TET3: variants seen among roughly 807,000 people sequenced by gnomAD.
TET3 encodes methylcytosine dioxygenase TET3.
In TET3, 19 loss-of-function variants were observed where a neutral mutation model predicts 141.4. The observed-to-expected ratio is 0.13, with a 90% CI of 0.09 to 0.20. The LOEUF (loss-of-function observed/expected upper bound fraction) is 0.20, where lower values mean the gene tolerates loss of function less well. Ranked by LOEUF, TET3 falls within the 10% of genes least tolerant of loss-of-function variation. The probability of loss-of-function intolerance (pLI) is 1.00; values close to 1 mark genes in which losing one functional copy is unlikely to be tolerated. For synonymous variants in TET3, 1,043 were observed against 980.9 expected, an observed-to-expected ratio of 1.06 and a Z score of -1.18; for missense variants, 1,874 against 2,356.9, an observed-to-expected ratio of 0.80 and a Z score of 4.24.
chr2:74,008,791 C>T (rs1685276225), intron 3 of TET3, among the ~76,000 whole-genome samples: 1 of 152,030 alleles, frequency 6.6e-6, no homozygotes, highest in African/African-American at 2.4e-5. Context: ...CAGTATCTTG[C>T]CACAGAAATA....
At chr2:74,108,501 T>TTAAC (rs1691626275), downstream of TET3, among the ~76,000 whole-genome samples, 2 of 152,240 alleles carry the variant, frequency 1.3e-5, no homozygotes, top group South Asian at 2.1e-4. Context: ...CCTACTAAAA[T>TTAAC]TAACTTCTGA....
At chr2:74,130,202 G>T in the TET3 span, among the ~76,000 whole-genome samples, 1 of 151,890 alleles carries the variant, frequency 6.6e-6, no homozygotes, top group Non-Finnish European at 1.5e-5. Context: ...AAAAGAACCC[G>T]TCGGGCATCT....
rs780651180 is a variant in TET3, at chr2:74,100,828, C to T, written c.4040C>T (p.Thr1347Ile). 4.3e-6 allele frequency: 7 copies of T among 1,612,214 alleles called. No individual in the cohort carries two copies. The East Asian group carries it at 8.9e-5, about 21-fold the overall frequency. Residue 1347 changes from threonine (T) to isoleucine (I), a missense_variant, in exon 12 of 12, where the codon ACA becomes ATA. Physicochemically the swap from Thr to Ile is moderately conservative, Grantham distance 89. This residue lies in a region of TET3 where 602 missense variants were observed against 590.2 expected (regional missense o/e 1.02). Coordinates refer to ENST00000409262, the MANE Select transcript of TET3 (RefSeq NM_001287491.2). ...FAELPSQAVP[T>I]DAHHPTPHHQ... ...GAGCTGCCCAGCCAGGCTGTTCCCACAGACGCCCACCACCCCACTCCTCAC... is the reference window on the plus strand; with the variant it reads ...GAGCTGCCCAGCCAGGCTGTTCCCATAGACGCCCACCACCCCACTCCTCAC...
intron 3 of TET3, among the ~76,000 whole-genome samples, chr2:74,006,771 C>T (rs1318365958): frequency 2.6e-5 from 4 of 152,196 alleles, no homozygotes; most frequent in African/African-American, 2.4e-5. Context: ...TACCCTTGAC[C>T]TCTTGGGCTT....
At chr2:74,097,318 A>T (rs1440869127) in intron 10 of TET3, among the ~76,000 whole-genome samples, 2 of 152,128 alleles carry the variant, frequency 1.3e-5, no homozygotes. Flanking sequence ...TTGTAACGTG[A>T]TAAAGAAATT....
chr2:74,027,603 A>G (rs777070770), intron 3 of TET3, among the ~76,000 whole-genome samples: 3 of 152,192 alleles, frequency 2.0e-5, no homozygotes, highest in Non-Finnish European at 2.9e-5. Context: ...TGCATTTCAT[A>G]TAAATGGAAT....
At chr2:74,063,382 C>T (rs1170159914) in intron 4 of TET3, among the ~76,000 whole-genome samples, 1 of 152,154 alleles carries the variant, frequency 6.6e-6, no homozygotes, top group Non-Finnish European at 1.5e-5. Flanking sequence ...TACTTCACCA[C>T]CATGTGATTA....
chr2:74,079,498 G>T (rs1180698190), intron 5 of TET3, among the ~76,000 whole-genome samples: 1 of 152,158 alleles, frequency 6.6e-6, no homozygotes, highest in East Asian at 1.9e-4. Flanking sequence ...TTAAAAATAA[G>T]AAGATTCTGT....
At chr2:74,076,368 T>A (rs1471366862) in intron 5 of TET3, among the ~76,000 whole-genome samples, 1 of 151,744 alleles carries the variant, frequency 6.6e-6, no homozygotes, top group Admixed American at 6.6e-5. Context: ...GGAGTCAGAT[T>A]TGTGTACCCC....
At chr2:74,129,316 CAAAAAAAAAAAAAAAAA>C in the TET3 span, among the ~76,000 whole-genome samples, 1 of 51,292 alleles carries the variant, frequency 1.9e-5, no homozygotes, top group Non-Finnish European at 3.4e-5. Flanking sequence ...AACTCCGTCT[CAAAAAAAAAAAAAAAAA>C]AAAAAAAAAA....
At position 74,003,183 on chromosome 2, in the gene TET3, CGTGCGTGTGTGT is replaced by C. The variant is rs1684955759; in HGVS notation, c.360+19_360+30del. ...GCTGTCAAGGTACCTTGTGTGTGTG[CGTGCGTGTGTGT>C]GCGTGTGTGTGGTGGCGGTGAAGTG... On this transcript the variant is annotated intron_variant, in intron 3 of 11. Coordinates refer to ENST00000409262, the MANE Select transcript of TET3 (RefSeq NM_001287491.2). 1 of 1,548,758 alleles carries C rather than the reference CGTGCGTGTGTGT, an allele frequency of 6.5e-7. No individual in the cohort carries two copies.
intron 3 of TET3, among the ~76,000 whole-genome samples, chr2:74,031,641 A>G (rs1378910834): frequency 1.3e-5 from 2 of 152,184 alleles, no homozygotes; most frequent in African/African-American, 4.8e-5. Flanking sequence ...GCTTCCCTAA[A>G]TGGCATTTCC....
chr2:74,020,934 C>A (rs186650446), intron 3 of TET3, among the ~76,000 whole-genome samples: 116 of 152,306 alleles, frequency 7.6e-4, no homozygotes, highest in African/African-American at 2.6e-3. Context: ...TCTGTGCTCA[C>A]CCTCCCCTTC....
In TET3 at chr2:74,087,390, C is replaced by A. The variant is rs1690220729; in HGVS notation, c.2680-440C>A. Among the ~76,000 whole-genome samples the A allele has an allele frequency of 6.6e-6, 1 of 152,082 alleles. No homozygotes were observed. The highest frequency in any genetic ancestry group is 1.5e-5 in the Non-Finnish European group (1 of 68,020). ...TATGTTTAGCTTTTGGAGGCATTGC[C>A]AGACTGTTTTCCACAGTGCCAAGCC... On this transcript the variant is annotated intron_variant, in intron 6 of 11. Transcript: ENST00000409262. The surrounding 1 kb of genome is among the most constrained non-coding windows in gnomAD (Gnocchi z 4.3).
the TET3 span, chr2:74,134,873 A>G: frequency 2.4e-6 from 1 of 423,902 alleles, no homozygotes; most frequent in Non-Finnish European, 4.9e-6. Context: ...CCATGGCTGC[A>G]GCAGGAATGG....
Position 74,087,687 on chromosome 2 carries a change from GGTTGCTGTCTTC to G in TET3, c.2680-142_2680-131del. On this transcript the variant is annotated intron_variant, in intron 6 of 11. Transcript: ENST00000409262. The surrounding 1 kb of genome is among the most constrained non-coding windows in gnomAD (Gnocchi z 4.3). ...CTAATAATGGTCTCTTAGCTTGTAA[GGTTGCTGTCTTC>G]AGGGCATGACATCCCTAGAACCCTG... 2 of 625,886 alleles carry G rather than the reference GGTTGCTGTCTTC, an allele frequency of 3.2e-6. No homozygotes were observed. Among genetic ancestry groups the G allele is most frequent in the Non-Finnish European group, 5.2e-6 (2 of 383,096 alleles). 38.8% of individuals were successfully genotyped at this position (625,886 alleles called of 1,614,324 possible).
At chr2:74,129,419 G>C in the TET3 span, among the ~76,000 whole-genome samples, 2 of 150,804 alleles carry the variant, frequency 1.3e-5, no homozygotes, top group Non-Finnish European at 2.9e-5. Context: ...GATCACCTGA[G>C]GTCAGGCGTT....
chr2:74,127,471 CT>C, the TET3 span, among the ~76,000 whole-genome samples: 1 of 152,162 alleles, frequency 6.6e-6, no homozygotes, highest in Non-Finnish European at 1.5e-5. Flanking sequence ...GCCATAAATG[CT>C]TCCCCTCTTC....
intron 4 of TET3, among the ~76,000 whole-genome samples, chr2:74,060,166 C>A (rs895793624): frequency 2.0e-5 from 3 of 152,224 alleles, no homozygotes; most frequent in Admixed American, 6.5e-5. Context: ...TGGTGCCATC[C>A]AGTCTTTGCC....
Sources: gnomAD v4.1 joint callset for allele counts (sites outside exome capture counted in the v4.1 genomes callset) on GRCh38, gnomAD v4.1.1 for gene constraint, gnomAD v4.1.1 regional missense constraint, Gnocchi (gnomAD v3.1) non-coding constraint, MANE v1.5 for transcripts, NCBI Gene and HGNC (gene_info 2026-07-23, HGNC 2026-07-21) for gene names.